Variants in ADGRF1 observed in about 807,000 individuals in gnomAD.
ADGRF1 encodes G protein-coupled receptor 110.
ADGRF1 carries 85 observed loss-of-function variants against 87.2 expected under a neutral mutation model. The observed-to-expected ratio is 0.97, with a 90% CI of 0.82 to 1.17. The LOEUF (loss-of-function observed/expected upper bound fraction) is 1.17, where lower values mean the gene tolerates loss of function less well. ADGRF1 is among the 50% of genes most tolerant of loss of function. ADGRF1 has a pLI of 0.00. For missense variants in ADGRF1, 1,169 were observed against 1,077.2 expected (o/e 1.09, Z -1.19); for synonymous variants, 430 against 408.8 (o/e 1.05, Z -0.63).
At chr6:47,014,317 C>G in intron 9 of ADGRF1, 1 of 1,012,410 alleles carries the variant, frequency 9.9e-7, no homozygotes. Flanking sequence ...AGCCTGCTGG[C>G]TTATGACTCA....
intron 13 of ADGRF1, among the ~76,000 whole-genome samples, chr6:47,003,379 T>C (rs186084391): frequency 6.6e-6 from 1 of 152,370 alleles, no homozygotes; most frequent in Admixed American, 6.5e-5. Context: ...AAGCTGTCTC[T>C]TGTGGAAGAA....
In ADGRF1 at chr6:47,005,779, C is replaced by T. The variant is rs759629628; in HGVS notation, c.2592+38G>A. 8.0e-6 allele frequency: 12 copies of T among 1,494,234 alleles called. No individual in the cohort carries two copies. In the African/African-American group the frequency reaches 1.7e-4, roughly 21 times the overall value. The allele number at this position is 1,494,234 out of a possible 1,614,324, so 92.6% of individuals were successfully genotyped here. A position where few individuals can be genotyped will look rare whatever the true frequency, so the allele number is the denominator to read the frequency against. The stretch of plus-strand genomic sequence containing the variant: ...TAAAGAGAAGAATGCAAAACTGGAA[C>T]TTCATGTATTGGATTCATGGCAGTA... On this transcript the variant is annotated intron_variant, in intron 13 of 14. Coordinates refer to ENST00000371253, the MANE Select transcript of ADGRF1 (RefSeq NM_153840.4).
chr6:47,022,083 T>C (rs746220167), intron 5 of ADGRF1, 25 bp from the exon 6 acceptor site: 2 of 1,283,102 alleles, frequency 1.6e-6, no homozygotes, highest in Admixed American at 4.6e-5. Flanking sequence ...AATAAGTTTA[T>C]AGACATAATA....
Position 47,009,795 on chromosome 6 carries a change from G to T in ADGRF1, c.1640C>A (p.Ala547Glu). 7 of 1,614,136 alleles carry T rather than the reference G, an allele frequency of 4.3e-6. 1 individual carries two copies. The highest frequency in any genetic ancestry group is 1.6e-4 in the Middle Eastern group (1 of 6,062). The change falls in exon 11 of 15, where the codon GCA (alanine) becomes GAA (glutamate). Residue 547 changes from alanine (A) to glutamate (E), a missense_variant. Physicochemically the swap from Ala to Glu is moderately radical, Grantham distance 107 (BLOSUM62 -1). Transcript: ENST00000371253. ...WDFSHLQWND[A>E]GCHLVNETQD... ...AGTTTCATTCACTAGGTGGCAGCCT[G>T]CATCGTTCCACTGCAAATGACTGAA...
chr6:47,014,765 TC>T lies in ADGRF1; in HGVS notation c.842del (p.Gly281GlufsTer27). 1.2e-6 allele frequency: 2 copies of T among 1,614,016 alleles called. No individual in the cohort carries two copies. Among genetic ancestry groups the T allele is most frequent in the Non-Finnish European group, 1.7e-6 (2 of 1,179,976 alleles). ...AGGACTCACACTTGGCTGTGATGTT[TC>T]CCCTGTAGCCACTGCTGCAGGGCAG... Reference protein sequence around the residue: ...YTLPCSSGYRGNITAKCESSG... With the variant: ...YTLPCSSGYRXNITAKCESSG... On this transcript the variant is annotated frameshift_variant, in exon 9 of 15. Transcript: ENST00000371253. LOFTEE classifies it high-confidence loss of function.
At chr6:47,033,842 A>T (rs541840736) in intron 1 of ADGRF1, among the ~76,000 whole-genome samples, 1 of 152,366 alleles carries the variant, frequency 6.6e-6, no homozygotes, top group East Asian at 1.9e-4. Context: ...AGAGGAGAAG[A>T]CAGCTGAGAA....
Position 47,041,984 on chromosome 6 carries a change from T to A in ADGRF1, c.-44+207A>T, listed in dbSNP as rs551076064. Reference sequence around the variant, plus strand: ...GGAGCTTGAGCCTCAGCCAATCACCTCATTATAGTTAGTAAGCGGGTTGAA... The same window carrying A: ...GGAGCTTGAGCCTCAGCCAATCACCACATTATAGTTAGTAAGCGGGTTGAA... On this transcript the variant is annotated intron_variant, in intron 1 of 14. Coordinates refer to ENST00000371253, the MANE Select transcript of ADGRF1 (RefSeq NM_153840.4). Among the ~76,000 whole-genome samples the A allele has an allele frequency of 2.0e-5, 3 of 152,324 alleles. No homozygotes were observed. In the South Asian group the frequency reaches 6.2e-4, roughly 32 times the overall value.
chr6:47,005,597 A>T (rs1297033601), intron 13 of ADGRF1, among the ~76,000 whole-genome samples: 1 of 152,184 alleles, frequency 6.6e-6, no homozygotes, highest in African/African-American at 2.4e-5. Flanking sequence ...GCATCCTTGT[A>T]AGTTTCCATG....
chr6:47,019,773 T>G, intron 7 of ADGRF1: 1 of 984,906 alleles, frequency 1.0e-6, no homozygotes, highest in Non-Finnish European at 1.2e-6. Context: ...CAAGTCAATT[T>G]CTCTGACCTC....
chr6:47,029,726 A>G (rs1780352605), intron 1 of ADGRF1, among the ~76,000 whole-genome samples: 1 of 152,200 alleles, frequency 6.6e-6, no homozygotes, highest in South Asian at 2.1e-4. Flanking sequence ...TCTGTCTAAT[A>G]CAGTAGCCAT....
Position 47,014,857 on chromosome 6 carries a change from G to T in ADGRF1, c.764-13C>A. 1 of 1,582,208 alleles carries T rather than the reference G, an allele frequency of 6.3e-7. No individual in the cohort carries two copies. Among genetic ancestry groups the T allele is most frequent in the Admixed American group, 1.8e-5 (1 of 55,484 alleles). On this transcript the variant is annotated splice_polypyrimidine_tract_variant and intron_variant, in intron 8 of 14. Transcript: ENST00000371253. The stretch of plus-strand genomic sequence containing the variant: ...TCATTACACTGGGCTGGAAACAAAA[G>T]AAAACAACAAAGAAAAATGATCCTA...
intron 1 of ADGRF1, among the ~76,000 whole-genome samples, chr6:47,038,326 T>C (rs1046527155): frequency 3.9e-5 from 6 of 152,390 alleles, no homozygotes; most frequent in African/African-American, 1.2e-4. Context: ...GGAATTTATT[T>C]AGGTTTTCAG....
At chr6:47,024,249 T>C (rs1191244217) in intron 4 of ADGRF1, 32 bp from the exon 5 acceptor site, 1 of 1,564,464 alleles carries the variant, frequency 6.4e-7, no homozygotes, top group South Asian at 1.1e-5. Context: ...GTCTCATGGA[T>C]TCTGGTTTAT....
intron 12 of ADGRF1, 143 bp downstream of exon 12, chr6:47,007,110 C>A: frequency 2.0e-6 from 1 of 488,676 alleles, no homozygotes; most frequent in Non-Finnish European, 3.7e-6. Context: ...CTGACTGAGC[C>A]TGACTTCTCT....
chr6:47,000,321 A>G, intron 14 of ADGRF1, 26 bp from the exon 15 acceptor site: 1 of 1,530,992 alleles, frequency 6.5e-7, no homozygotes, highest in South Asian at 1.2e-5. Context: ...AAAGGAAATA[A>G]TTATTGTTAC....
chr6:47,017,013 A>G (rs1367033431), intron 7 of ADGRF1: 1 of 235,984 alleles, frequency 4.2e-6, no homozygotes, highest in African/African-American at 2.3e-5. Flanking sequence ...CCCACATTAA[A>G]TAAAGCTGGT....
chr6:47,015,061 C>G (rs536010672), intron 8 of ADGRF1, among the ~76,000 whole-genome samples: 1 of 152,204 alleles, frequency 6.6e-6, no homozygotes, highest in Non-Finnish European at 1.5e-5. Flanking sequence ...GAGGCTGACT[C>G]CTCCTTCCAG....
At chr6:47,023,991 G>A (rs1182410598) in intron 5 of ADGRF1, 53 bp downstream of exon 5, 1 of 1,510,660 alleles carries the variant, frequency 6.6e-7, no homozygotes, top group Non-Finnish European at 9.1e-7. Context: ...TCCCCTCTCT[G>A]TTGCATGTTG....
chr6:47,024,970 C>G (rs1780183379), intron 4 of ADGRF1, among the ~76,000 whole-genome samples: 2 of 152,184 alleles, frequency 1.3e-5, no homozygotes, highest in African/African-American at 4.8e-5. Flanking sequence ...ATTTGACCAC[C>G]ATCTCATTGG....
Sources: gnomAD v4.1 joint callset for allele counts (sites outside exome capture counted in the v4.1 genomes callset) on GRCh38, gnomAD v4.1.1 for gene constraint, MANE v1.5 for transcripts, NCBI Gene and HGNC (gene_info 2026-07-23, HGNC 2026-07-21) for gene names.